TNS3: variants seen among roughly 807,000 people sequenced by gnomAD.
TNS3 encodes tensin-3.
Under a neutral mutation model 140.9 loss-of-function variants are expected in TNS3, and 45 were observed. The ratio of observed to expected loss-of-function variants is 0.32; its 90% CI spans 0.25 to 0.41. The LOEUF is 0.41. Ranked by LOEUF, TNS3 falls within the 10% of genes least tolerant of loss-of-function variation. TNS3 has a pLI of 1.00. For missense variants in TNS3, 1,716 were observed against 1,906.7 expected (o/e 0.90, Z 1.86); for synonymous variants, 815 against 788.4 (o/e 1.03, Z -0.56).
At chr7:47,388,571 G>A (rs1473001950) in intron 16 of TNS3, among the ~76,000 whole-genome samples, 2 of 152,178 alleles carry the variant, frequency 1.3e-5, no homozygotes, top group Non-Finnish European at 2.9e-5. Flanking sequence ...TGGACTCTAA[G>A]AAGACATAGT....
chr7:47,400,040 G>A (rs1017721457), intron 15 of TNS3, among the ~76,000 whole-genome samples: 4 of 148,752 alleles, frequency 2.7e-5, no homozygotes, highest in African/African-American at 9.8e-5. Context: ...TTTTTCAAAA[G>A]ATATACAAAT....
chr7:47,499,292 G>T (rs925580817), intron 3 of TNS3, among the ~76,000 whole-genome samples: 1 of 152,158 alleles, frequency 6.6e-6, no homozygotes, highest in African/African-American at 2.4e-5. Flanking sequence ...TGTGTAAAGT[G>T]ACTTTCTAAT....
chr7:47,578,794 G>A (rs183672757), intron 1 of TNS3, among the ~76,000 whole-genome samples: 451 of 152,292 alleles, frequency 3.0e-3, no homozygotes, highest in Non-Finnish European at 3.9e-3. Context: ...TACGAGAAAC[G>A]GATAGACATC....
At position 47,276,064 on chromosome 7, in the gene TNS3, C is replaced by G. The variant is rs1784857384; in HGVS notation, c.*2012G>C. ...CTTGGGGAAAGTACAAACCTCTGCT[C>G]CCTGTGGCCACATTCCTGCAGTGGA... On this transcript the variant is annotated 3_prime_UTR_variant, in exon 31 of 31. Coordinates refer to ENST00000311160, the MANE Select transcript of TNS3 (RefSeq NM_022748.12). 2.1e-5 allele frequency: 7 copies of G among 325,742 alleles called. No individual in the cohort carries two copies. Among genetic ancestry groups the G allele is most frequent in the South Asian group, 1.8e-4 (7 of 38,894 alleles). 20.2% of individuals were successfully genotyped at this position (325,742 alleles called of 1,614,324 possible).
intron 2 of TNS3, among the ~76,000 whole-genome samples, chr7:47,521,103 G>C (rs1394837462): frequency 6.6e-6 from 1 of 152,088 alleles, no homozygotes. Flanking sequence ...TCATAGTAGG[G>C]GCAGTCGGCC....
intron 20 of TNS3, among the ~76,000 whole-genome samples, chr7:47,340,608 G>A (rs1468570314): frequency 2.2e-5 from 1 of 45,682 alleles, no homozygotes; most frequent in Non-Finnish European, 6.4e-5. Flanking sequence ...TTGAGACAGA[G>A]TCTCACACTG....
At chr7:47,409,073 A>T (rs1048518051) in intron 13 of TNS3, among the ~76,000 whole-genome samples, 1 of 152,202 alleles carries the variant, frequency 6.6e-6, no homozygotes, top group African/African-American at 2.4e-5. Context: ...GAATGACAGT[A>T]GGAAGAAGGG....
intron 3 of TNS3, among the ~76,000 whole-genome samples, chr7:47,502,403 G>A (rs1470983066): frequency 6.6e-6 from 1 of 152,224 alleles, no homozygotes; most frequent in Non-Finnish European, 1.5e-5. Flanking sequence ...CAGGATGAAT[G>A]TCTAGGGACA....
intron 10 of TNS3, among the ~76,000 whole-genome samples, chr7:47,420,227 A>G (rs1420737376): frequency 1.3e-5 from 2 of 152,062 alleles, no homozygotes; most frequent in Non-Finnish European, 2.9e-5. Flanking sequence ...GCAGTTAGAC[A>G]GGCATGAGCA....
intron 20 of TNS3, among the ~76,000 whole-genome samples, chr7:47,324,834 A>C (rs1787940285): frequency 6.6e-6 from 1 of 152,232 alleles, no homozygotes; most frequent in Admixed American, 6.5e-5. Flanking sequence ...GTCCCTGTTA[A>C]GAAAAAAATA....
Position 47,444,299 on chromosome 7 carries a change from A to ATT in TNS3, c.-75-2246_-75-2245dup, listed in dbSNP as rs201312069. On this transcript the variant is annotated intron_variant, in intron 4 of 30. Transcript: ENST00000311160. Reference sequence around the variant, plus strand: ...ACGCATCCAAAATACAGTGACTCCCATTGCAATGCCATGCTGGAGTACACT... The same window carrying ATT: ...ACGCATCCAAAATACAGTGACTCCCATTTTGCAATGCCATGCTGGAGTACACT... Among the ~76,000 whole-genome samples the ATT allele has an allele frequency of 6.6e-3, 1,007 of 152,326 alleles. 12 individuals are homozygous for ATT. Among genetic ancestry groups the ATT allele is most frequent in the African/African-American group, 0.023 (949 of 41,572 alleles).
chr7:47,558,923 G>A (rs574106791), intron 1 of TNS3, among the ~76,000 whole-genome samples: 1 of 152,258 alleles, frequency 6.6e-6, no homozygotes, highest in African/African-American at 2.4e-5. Context: ...AAAACTGGCC[G>A]CAAATCTCCC....
At chr7:47,513,423 C>A (rs117931268) in intron 2 of TNS3, among the ~76,000 whole-genome samples, 1 of 152,198 alleles carries the variant, frequency 6.6e-6, no homozygotes, top group Non-Finnish European at 1.5e-5. Flanking sequence ...CCCGCCTCGG[C>A]GTCCCAAAAT....
chr7:47,349,467 G>C (rs1789538511), intron 17 of TNS3, among the ~76,000 whole-genome samples: 1 of 152,232 alleles, frequency 6.6e-6, no homozygotes, highest in Non-Finnish European at 1.5e-5. Flanking sequence ...AGCAGCTGTG[G>C]GTCTGAGGCC....
At position 47,424,101 on chromosome 7, in the gene TNS3, C is replaced by T. The variant is rs1449146523; in HGVS notation, c.473G>A (p.Arg158Gln). The T allele has an allele frequency of 1.2e-6, 2 of 1,614,060 alleles. No individual in the cohort carries two copies. Among genetic ancestry groups the T allele is most frequent in the Non-Finnish European group, 1.7e-6 (2 of 1,179,976 alleles). ...TCTGGCTTTGGGGATCTATACATAC[C>T]GTTTTTGGGAAGGCTGCATTAAAGC... ...VSALMQPSQK[R>Q]YVQFLSGLLS... is the part of the protein sequence containing the mutation. Residue 158 changes from arginine (R) to glutamine (Q), a missense_variant and splice_region_variant, in exon 10 of 31, where the codon CGG (arginine) becomes CAG (glutamine). Transcript: ENST00000311160.
At chr7:47,280,221 AT>A in intron 29 of TNS3, 31 bp from the exon 30 acceptor site, 1 of 1,614,036 alleles carries the variant, frequency 6.2e-7, no homozygotes, top group Non-Finnish European at 8.5e-7. Context: ...ACAGAGGTTA[AT>A]TTTTTTAAAC....
At chr7:47,325,464 C>T (rs1441395845) in intron 20 of TNS3, among the ~76,000 whole-genome samples, 2 of 152,182 alleles carry the variant, frequency 1.3e-5, no homozygotes, top group Non-Finnish European at 2.9e-5. Context: ...AGGCCACAGG[C>T]CACTCTGCTA....
chr7:47,494,147 T>C (rs1413656857), intron 3 of TNS3, among the ~76,000 whole-genome samples: 1 of 152,184 alleles, frequency 6.6e-6, no homozygotes, highest in Admixed American at 6.5e-5. Flanking sequence ...CCAGTGGCAT[T>C]CCTCTCTGCC....
chr7:47,564,797 A>C (rs1800395550), intron 1 of TNS3, among the ~76,000 whole-genome samples: 1 of 151,806 alleles, frequency 6.6e-6, no homozygotes, highest in Non-Finnish European at 1.5e-5. Context: ...TAATATCACT[A>C]AGCTCTTGGC....
Sources: allele counts gnomAD v4.1 joint callset (sites outside exome capture counted in the v4.1 genomes callset), GRCh38; gene constraint gnomAD v4.1.1; transcripts MANE v1.5; gene names NCBI Gene and HGNC (gene_info 2026-07-23, HGNC 2026-07-21).